The following FARP1 variants were observed in gnomAD, a reference collection of about 807,000 sequenced individuals.
FARP1 encodes the protein FERM, ARHGEF and pleckstrin domain-containing protein 1.
In FARP1, 52 loss-of-function variants were observed where a neutral mutation model predicts 128.8. The observed-to-expected ratio is 0.40, with a 90% confidence interval of 0.32 to 0.51. The LOEUF is 0.51. Ranked by LOEUF, FARP1 falls within the 20% of genes least tolerant of loss-of-function variation. The pLI, the probability that FARP1 is intolerant of heterozygous loss-of-function variation, is 0.45. For synonymous variants in FARP1, 580 were observed against 551.8 expected (o/e 1.05, Z -0.72); for missense variants, 1,333 against 1,367.9 (o/e 0.97, Z 0.40).
intron 24 of FARP1, among the ~76,000 whole-genome samples, chr13:98,442,685 TAGC>T (rs995677227): frequency 2.6e-5 from 4 of 152,180 alleles, no homozygotes; most frequent in Admixed American, 2.0e-4. Context: ...GGGATTATGA[TAGC>T]AGGAAAGGAG....
intron 2 of FARP1, among the ~76,000 whole-genome samples, chr13:98,258,619 C>T (rs748701867): frequency 1.6e-4 from 25 of 151,852 alleles, no homozygotes; most frequent in Non-Finnish European, 3.4e-4. Flanking sequence ...TTTGGGAGGC[C>T]GAGGTTGGAG....
intron 3 of FARP1, among the ~76,000 whole-genome samples, chr13:98,356,471 A>G (rs759984322): frequency 4.6e-5 from 7 of 152,194 alleles, no homozygotes; most frequent in Non-Finnish European, 8.8e-5. Context: ...CTGAAATGTC[A>G]CTATGCGGTG....
chr13:98,264,583 C>CA, intron 2 of FARP1, among the ~76,000 whole-genome samples: 1 of 152,198 alleles, frequency 6.6e-6, no homozygotes, highest in East Asian at 1.9e-4. Context: ...CTGGATATGC[C>CA]AAAGAGAAGC....
intron 2 of FARP1, among the ~76,000 whole-genome samples, chr13:98,236,920 A>G (rs535258724): frequency 8.4e-4 from 128 of 152,256 alleles, no homozygotes; most frequent in Non-Finnish European, 1.5e-3. Flanking sequence ...TAAACCCAGG[A>G]GGTGGAGGCT....
chr13:98,337,932 A>G (rs1336694913), intron 2 of FARP1, among the ~76,000 whole-genome samples: 1 of 152,144 alleles, frequency 6.6e-6, no homozygotes, highest in Non-Finnish European at 1.5e-5. Context: ...ATAGTCACCC[A>G]TTTTCCTCAT....
intron 2 of FARP1, among the ~76,000 whole-genome samples, chr13:98,227,694 G>T (rs1030027824): frequency 2.6e-5 from 4 of 152,168 alleles, no homozygotes; most frequent in African/African-American, 9.7e-5. Context: ...TACTGTTCAC[G>T]CTAGCCAGGA....
At chr13:98,257,900 G>C (rs959381273) in intron 2 of FARP1, among the ~76,000 whole-genome samples, 1 of 152,210 alleles carries the variant, frequency 6.6e-6, no homozygotes, top group East Asian at 1.9e-4. Flanking sequence ...GAAGTCACGC[G>C]TGTGTTAAAT....
At chr13:98,282,079 C>G (rs551492759) in intron 2 of FARP1, among the ~76,000 whole-genome samples, 15 of 152,102 alleles carry the variant, frequency 9.9e-5, no homozygotes, top group African/African-American at 3.4e-4. Context: ...CCTAGGTGGG[C>G]GGATCACTTG....
At position 98,180,692 on chromosome 13, in the gene FARP1, CTCTT is replaced by C. The variant is rs958534401; in HGVS notation, c.-23-32523_-23-32520del. Among the ~76,000 whole-genome samples the C allele has an allele frequency of 6.6e-5, 10 of 152,140 alleles. No individual in the cohort carries two copies. In the East Asian group the frequency reaches 1.7e-3, roughly 26 times the overall value. On this transcript the variant is annotated intron_variant, in intron 1 of 26. Coordinates refer to ENST00000319562, the MANE Select transcript of FARP1 (RefSeq NM_005766.4). ...TTGATGTTCTTGTTTTCTCTGGTGT[CTCTT>C]TCTTCTGGCTCCTTTTGTGGGAATC...
chr13:98,191,413 C>A (rs1252412664), intron 1 of FARP1, among the ~76,000 whole-genome samples: 3 of 152,044 alleles, frequency 2.0e-5, no homozygotes, highest in Admixed American at 6.6e-5. Flanking sequence ...AATGGGCTTT[C>A]CAGGGTTGAC....
intron 1 of FARP1, among the ~76,000 whole-genome samples, chr13:98,194,989 A>T (rs190470127): frequency 7.2e-4 from 110 of 152,290 alleles, no homozygotes; most frequent in Non-Finnish European, 6.3e-4. Context: ...CAGATGCTTC[A>T]AGTAAAGCTT....
chr13:98,153,485 A>ATTTATAT (rs1201011695), intron 1 of FARP1, among the ~76,000 whole-genome samples: 1 of 26,412 alleles, frequency 3.8e-5, no homozygotes, highest in African/African-American at 5.8e-5. Context: ...TATAATATAT[A>ATTTATAT]ATACATTATA....
rs752765707 is a variant in FARP1, at chr13:98,278,191, ATGTT to A, written c.171+64779_171+64782del. Among the ~76,000 whole-genome samples the A allele has an allele frequency of 3.0e-5, 4 of 132,940 alleles. No homozygotes were observed. In the South Asian group the frequency reaches 9.7e-4, roughly 32 times the overall value. 87.2% of individuals were successfully genotyped at this position (132,940 alleles called of 152,430 possible). A position where few individuals can be genotyped will look rare whatever the true frequency, so the allele number is the denominator to read the frequency against. On this transcript the variant is annotated intron_variant, in intron 2 of 26. Transcript: ENST00000319562. Reference sequence around the variant, plus strand: ...TGAGTGAGTGTGTGTGTGTGTGTGTATGTTCTGTGTGTCTTTGTGTTGTGTGTGA... The same window carrying A: ...TGAGTGAGTGTGTGTGTGTGTGTGTACTGTGTGTCTTTGTGTTGTGTGTGA...
chr13:98,376,541 T>A (rs1463983015), intron 5 of FARP1, among the ~76,000 whole-genome samples: 1 of 152,204 alleles, frequency 6.6e-6, no homozygotes, highest in African/African-American at 2.4e-5. Flanking sequence ...TTAGGTTTCC[T>A]CCAAATCTTG....
intron 3 of FARP1, among the ~76,000 whole-genome samples, chr13:98,353,713 T>C (rs1888530251): frequency 6.6e-6 from 1 of 152,188 alleles, no homozygotes; most frequent in African/African-American, 2.4e-5. Context: ...TTTATTTTAA[T>C]ATTAAATATT....
intron 18 of FARP1, 81 bp downstream of exon 18, chr13:98,431,361 G>C (rs537776566): frequency 3.3e-6 from 3 of 921,016 alleles, no homozygotes; most frequent in Non-Finnish European, 4.9e-6. Context: ...CAGCCAGGGA[G>C]GGGCTCCCCG....
At position 98,256,950 on chromosome 13, in the gene FARP1, TA is replaced by T. The variant is rs1566801008; in HGVS notation, c.171+43538del. On this transcript the variant is annotated intron_variant, in intron 2 of 26. Transcript: ENST00000319562. ...ATAATTTTCAAAGTATATATGTGGATATATATATATATATATATATATATAT... is the reference window on the plus strand; with the variant it reads ...ATAATTTTCAAAGTATATATGTGGATTATATATATATATATATATATATAT... Among the ~76,000 whole-genome samples, 103 of 15,118 alleles carry T rather than the reference TA, an allele frequency of 6.8e-3. 3 individuals carry two copies. Among genetic ancestry groups the T allele is most frequent in the Non-Finnish European group, 8.4e-3 (83 of 9,906 alleles). 9.9% of individuals were successfully genotyped at this position (15,118 alleles called of 152,430 possible).
Position 98,393,712 on chromosome 13 carries a change from G to A in FARP1, c.1158G>A (p.Leu386=). 1 of 1,613,080 alleles carries A rather than the reference G, an allele frequency of 6.2e-7. No homozygotes were observed. Among genetic ancestry groups the A allele is most frequent in the African/African-American group, 1.3e-5 (1 of 75,036 alleles). The change falls in exon 12 of 27, where the codon CTG becomes CTA. Residue 386 remains leucine (L), a synonymous_variant. Transcript: ENST00000319562. ...CTACAGAACTGAATTCGGAAGTGCTGGAGCAGGTCAGTGATGGCGCTGTCC... is the reference window on the plus strand; with the variant it reads ...CTACAGAACTGAATTCGGAAGTGCTAGAGCAGGTCAGTGATGGCGCTGTCC... ...SQPTELNSEV[L]EQSQQSTSLT... is the part of the protein sequence containing the mutation.
At chr13:98,397,768 A>G (rs922601666) in intron 13 of FARP1, 2 of 152,094 alleles carry the variant, frequency 1.3e-5, no homozygotes, top group South Asian at 2.1e-4. Context: ...GCTGTCTCGA[A>G]TCTAGTGGAA....
Sources: allele counts gnomAD v4.1 joint callset (sites outside exome capture counted in the v4.1 genomes callset), GRCh38; gene constraint gnomAD v4.1.1; transcripts MANE v1.5; gene names NCBI Gene and HGNC (gene_info 2026-07-23, HGNC 2026-07-21).